The following UBL7 variants were observed in gnomAD, a reference collection of about 807,000 sequenced individuals.
UBL7 encodes the protein ubiquitin-like protein 7.
In UBL7, 21 loss-of-function variants were observed where a neutral mutation model predicts 41.7. That is an observed-to-expected ratio of 0.50 (90% CI 0.36 to 0.73). UBL7 has a LOEUF of 0.73. Ranked by LOEUF, UBL7 falls within the 30% of genes least tolerant of loss-of-function variation. The probability of loss-of-function intolerance (pLI) is 0.00; values close to 1 mark genes in which losing one functional copy is unlikely to be tolerated. For synonymous variants in UBL7, 157 were observed against 186.9 expected (o/e 0.84, Z 1.31); for missense variants, 403 against 478.4 (o/e 0.84, Z 1.47).
intron 1 of UBL7, among the ~76,000 whole-genome samples, chr15:74,459,636 C>T (rs1173757382): frequency 6.6e-6 from 1 of 150,950 alleles, no homozygotes; most frequent in Non-Finnish European, 1.5e-5. Flanking sequence ...CATTCTAAAA[C>T]ACAGATCTGA....
At chr15:74,456,803 T>C in intron 2 of UBL7, 132 bp from the exon 3 acceptor site, 1 of 1,147,186 alleles carries the variant, frequency 8.7e-7, no homozygotes, top group Non-Finnish European at 1.2e-6. Flanking sequence ...ATTCAATAAC[T>C]TAACAAATAC....
At position 74,449,202 on chromosome 15, in the gene UBL7, G is replaced by A. The variant is rs1371584263; in HGVS notation, c.866C>T (p.Pro289Leu). ...TCTTCATACCTGGGTGCCAGGAGTC[G>A]GTGTGTGAGAGCTGCTCTCCGGAGT... ...ASTPESSSHT[P>L]TPGTQGHSSG... The change falls in exon 9 of 11, where the codon CCG becomes CTG. Residue 289 changes from proline (P) to leucine (L), a missense_variant. Coordinates refer to ENST00000395081, the MANE Select transcript of UBL7 (RefSeq NM_032907.5). The A allele has an allele frequency of 9.6e-6, 15 of 1,557,842 alleles. No individual in the cohort carries two copies. The highest frequency in any genetic ancestry group is 4.9e-5 in the South Asian group (4 of 82,256).
intron 2 of UBL7, among the ~76,000 whole-genome samples, chr15:74,457,072 A>G (rs963213847): frequency 6.6e-6 from 1 of 152,248 alleles, no homozygotes; most frequent in African/African-American, 2.4e-5. Flanking sequence ...TTAGCCTCAC[A>G]AAGTGCTGGG....
intron 3 of UBL7, 79 bp from the exon 4 acceptor site, chr15:74,452,457 T>A (rs951151445): frequency 5.4e-5 from 77 of 1,413,954 alleles, no homozygotes; most frequent in Admixed American, 1.8e-4. Context: ...CATTTCAGCA[T>A]GTGCCAAGGA....
chr15:74,453,185 T>C (rs1199641736), intron 3 of UBL7, among the ~76,000 whole-genome samples: 2 of 152,168 alleles, frequency 1.3e-5, no homozygotes, highest in African/African-American at 4.8e-5. Context: ...TGAGGCTGTC[T>C]TTTGAAAAAC....
intron 2 of UBL7, among the ~76,000 whole-genome samples, chr15:74,457,290 T>G (rs1023972281): frequency 5.3e-5 from 8 of 152,226 alleles, no homozygotes; most frequent in Middle Eastern, 3.4e-3. Flanking sequence ...ACACCTGTAA[T>G]CCCAACACTT....
At chr15:74,448,771 G>A (rs2061210862) in intron 9 of UBL7, among the ~76,000 whole-genome samples, 171 bp from the exon 10 acceptor site, 1 of 152,144 alleles carries the variant, frequency 6.6e-6, no homozygotes, top group African/African-American at 2.4e-5. Context: ...TCTCTATGTG[G>A]GCAGGAAAGG....
chr15:74,452,347 C>T lies in UBL7; in HGVS notation c.336G>A (p.Glu112=), dbSNP rs1176708911. The change falls in exon 4 of 11, where the codon GAG becomes GAA. Residue 112 remains glutamate, a synonymous_variant. Transcript: ENST00000395081. The part of the protein sequence containing the change: ...EPVDKVAAMR[E]FRVLHTALHS... ...GCAGGGCAGTGTGCAACACCCGGAA[C>T]TCTCTCATGGCAGCCACTTTGTCCA... 6.4e-7 allele frequency: 1 copy of T among 1,561,524 alleles called. No individual in the cohort carries two copies. The highest frequency in any genetic ancestry group is 8.7e-7 in the Non-Finnish European group (1 of 1,151,640).
At chr15:74,456,835 G>A (rs2061299849) in intron 2 of UBL7, among the ~76,000 whole-genome samples, 164 bp from the exon 3 acceptor site, 1 of 151,640 alleles carries the variant, frequency 6.6e-6, no homozygotes, top group African/African-American at 2.4e-5. Context: ...TGGAAAACAG[G>A]GTCTTACTCT....
chr15:74,459,301 ATTTT>A (rs61137560), intron 1 of UBL7, among the ~76,000 whole-genome samples: 1 of 130,862 alleles, frequency 7.6e-6, no homozygotes, highest in Non-Finnish European at 1.7e-5. Context: ...AACACCCATC[ATTTT>A]TTTTTTTTTT....
intron 8 of UBL7, 126 bp downstream of exon 8, chr15:74,449,500 T>C: frequency 6.4e-7 from 1 of 1,554,966 alleles, no homozygotes; most frequent in Non-Finnish European, 8.8e-7. Flanking sequence ...TATGACATGG[T>C]CTTGGCCCCC....
intron 1 of UBL7, 125 bp downstream of exon 1, chr15:74,460,912 C>A (rs1403859756): frequency 1.3e-5 from 15 of 1,159,754 alleles, no homozygotes; most frequent in Non-Finnish European, 9.7e-6. Context: ...ATCCTCACAA[C>A]GGTTCCCTAA....
chr15:74,459,082 C>G (rs182882077), intron 1 of UBL7, 186 bp from the exon 2 acceptor site: 3 of 572,358 alleles, frequency 5.2e-6, no homozygotes, highest in Non-Finnish European at 9.2e-6. Context: ...GGACAGCTCT[C>G]TAGGCCTCAG....
intron 3 of UBL7, 22 bp downstream of exon 3, chr15:74,456,530 C>G (rs1408239097): frequency 6.2e-7 from 1 of 1,613,040 alleles, no homozygotes; most frequent in Non-Finnish European, 8.5e-7. Flanking sequence ...CTCTGCCTGC[C>G]TAAGGGCTGC....
intron 2 of UBL7, 142 bp from the exon 3 acceptor site, chr15:74,456,813 C>CTTT: frequency 8.3e-6 from 7 of 843,796 alleles, no homozygotes; most frequent in Non-Finnish European, 1.0e-5. Context: ...TTAACAAATA[C>CTTT]TTTTTTTTTT....
Position 74,446,144 on chromosome 15 carries a change from G to C in UBL7, c.1089C>G (p.Thr363=). The change falls in exon 11 of 11, where the codon ACC becomes ACG. Residue 363 remains threonine, a synonymous_variant. Transcript: ENST00000395081. The surrounding 1 kb of genome is among the most constrained non-coding windows in gnomAD (Gnocchi z 4.1). The part of the protein sequence containing the change: ...DELSLRALQA[T]GGDIQAALEL... The stretch of plus-strand genomic sequence containing the variant: ...CCAGGGCTGCTTGGATGTCCCCACC[G>C]GTGGCCTGCAGGGCCCGCAGGCTCA... 1 of 1,614,062 alleles carries C rather than the reference G, an allele frequency of 6.2e-7. No homozygotes were observed. Among genetic ancestry groups the C allele is most frequent in the Non-Finnish European group, 8.5e-7 (1 of 1,180,004 alleles).
At chr15:74,458,997 G>A in intron 1 of UBL7, 101 bp from the exon 2 acceptor site, 1 of 1,145,384 alleles carries the variant, frequency 8.7e-7, no homozygotes, top group Admixed American at 2.1e-5. Flanking sequence ...ATGTGACACT[G>A]TTGAAGAGGC....
chr15:74,448,740 C>A, intron 9 of UBL7, 140 bp from the exon 10 acceptor site: 7 of 1,239,066 alleles, frequency 5.6e-6, no homozygotes, highest in Non-Finnish European at 7.9e-6. Flanking sequence ...ATAAGACAAC[C>A]AAACAAAGGT....
chr15:74,459,483 T>C (rs1045119586), intron 1 of UBL7, among the ~76,000 whole-genome samples: 1 of 151,098 alleles, frequency 6.6e-6, no homozygotes, highest in African/African-American at 2.4e-5. Context: ...TAATTTTTTT[T>C]TTTTTTTGTA....
Sources: gnomAD v4.1 joint callset for allele counts (sites outside exome capture counted in the v4.1 genomes callset) on GRCh38, gnomAD v4.1.1 for gene constraint, Gnocchi (gnomAD v3.1) non-coding constraint, MANE v1.5 for transcripts, NCBI Gene and HGNC (gene_info 2026-07-23, HGNC 2026-07-21) for gene names.